The following EPS8 variants were observed in gnomAD, a reference collection of about 807,000 sequenced individuals.
EPS8 encodes EGFR pathway substrate 8, signaling adaptor, also known as epidermal growth factor receptor kinase substrate 8.
Under a neutral mutation model 103.8 loss-of-function variants are expected in EPS8, and 42 were observed. The observed-to-expected ratio is 0.40, with a 90% CI of 0.32 to 0.52. The LOEUF is 0.52. Ranked by LOEUF, EPS8 falls within the 20% of genes least tolerant of loss-of-function variation. The pLI, the probability that EPS8 is intolerant of heterozygous loss-of-function variation, is 0.40. For missense variants in EPS8, 969 were observed against 1,005.1 expected, an observed-to-expected ratio of 0.96 and a Z score of 0.49; for synonymous variants, 344 against 344.6, an observed-to-expected ratio of 1.00 and a Z score of 0.02.
intron 1 of EPS8, among the ~76,000 whole-genome samples, chr12:15,766,816 A>C (rs1236030954): frequency 6.6e-6 from 1 of 152,198 alleles, no homozygotes; most frequent in Non-Finnish European, 1.5e-5. Context: ...GGGGTCATTC[A>C]AACATATGTC....
chr12:15,632,293 G>A (rs1166905546), intron 17 of EPS8, among the ~76,000 whole-genome samples: 4 of 152,056 alleles, frequency 2.6e-5, no homozygotes, highest in South Asian at 2.1e-4. Context: ...ACTTACAAAC[G>A]AATACTAGAA....
Position 15,736,315 on chromosome 12 carries a change from A to G in EPS8, c.-22+52846T>C, listed in dbSNP as rs964465761. On this transcript the variant is annotated intron_variant, in intron 1 of 20. Coordinates refer to ENST00000281172, the MANE Select transcript of EPS8 (RefSeq NM_004447.6). The surrounding 1 kb of genome is among the most constrained non-coding windows in gnomAD (Gnocchi z 4.2). ...GAAAATGGACTTTGGAGTAAAGGAG[A>G]TCTGGATTTGAATTCCAACGCCATA... Among the ~76,000 whole-genome samples the G allele has an allele frequency of 1.3e-5, 2 of 152,218 alleles. No individual in the cohort carries two copies. Among genetic ancestry groups the G allele is most frequent in the African/African-American group, 4.8e-5 (2 of 41,458 alleles).
chr12:15,698,228 A>T lies in EPS8; in HGVS notation c.-21-15256T>A, dbSNP rs1335515300. 1.3e-5 allele frequency among the ~76,000 whole-genome samples: 2 copies of T among 152,232 alleles called. No homozygotes were observed. Among genetic ancestry groups the T allele is most frequent in the African/African-American group, 4.8e-5 (2 of 41,476 alleles). ...CTGTGAATATTTTATTACTTGGCCA[A>T]ATGGAGATGTTTATCTCAAATCTTC... On this transcript the variant is annotated intron_variant, in intron 1 of 20. Coordinates refer to ENST00000281172, the MANE Select transcript of EPS8 (RefSeq NM_004447.6). The surrounding 1 kb of genome is among the most constrained non-coding windows in gnomAD (Gnocchi z 4.9).
rs35885542 is a variant in EPS8, at chr12:15,623,289, T to TA, written c.2226-3dup. On this transcript the variant is annotated splice_region_variant and splice_polypyrimidine_tract_variant and intron_variant, in intron 19 of 20. Coordinates refer to ENST00000281172, the MANE Select transcript of EPS8 (RefSeq NM_004447.6). Reference sequence around the variant, plus strand: ...AATACTCCAAGACTATTGACAGTCCTAAAAAAAAAAAAAGGAAAAAGAAAC... The same window carrying TA: ...AATACTCCAAGACTATTGACAGTCCTAAAAAAAAAAAAAAGGAAAAAGAAAC... 0.075 allele frequency: 91,861 copies of TA among 1,226,794 alleles called. 1,654 individuals carry two copies. The highest frequency in any genetic ancestry group is 0.29 in the African/African-American group (18,865 of 64,218). 76.0% of individuals were successfully genotyped at this position (1,226,794 alleles called of 1,614,324 possible).
chr12:15,651,035 A>C (rs965529442), intron 13 of EPS8, 29 bp from the exon 14 acceptor site: 1 of 1,584,632 alleles, frequency 6.3e-7, no homozygotes, highest in Non-Finnish European at 8.6e-7. Context: ...GCATATAAAC[A>C]ATAAAATCTA....
intron 17 of EPS8, among the ~76,000 whole-genome samples, chr12:15,640,408 A>T (rs367581003): frequency 2.0e-5 from 3 of 152,166 alleles, no homozygotes; most frequent in African/African-American, 4.8e-5. Flanking sequence ...AAAAAGACAG[A>T]AATACCATTT....
chr12:15,658,694 C>A, intron 10 of EPS8, 109 bp from the exon 11 acceptor site: 2 of 740,640 alleles, frequency 2.7e-6, no homozygotes, highest in Non-Finnish European at 4.8e-6. Context: ...TCTCATCAGA[C>A]ATGCTACCTA....
chr12:15,692,536 A>G (rs1445401127), intron 1 of EPS8, among the ~76,000 whole-genome samples: 1 of 151,994 alleles, frequency 6.6e-6, no homozygotes, highest in Non-Finnish European at 1.5e-5. Context: ...TTTTTGAAAA[A>G]TTCAGCATAT....
rs1247453035 is a variant in EPS8, at chr12:15,769,496, T to C, written c.-22+19665A>G. ...CAGTTATTACTCAACTTTGGAAAAA[T>C]TACACAAATATAAGACGCTCTTGTT... is the stretch of plus-strand genomic sequence containing the variant. On this transcript the variant is annotated intron_variant, in intron 1 of 20. Transcript: ENST00000281172. The surrounding 1 kb of genome is among the most constrained non-coding windows in gnomAD (Gnocchi z 4.6). 6.6e-6 allele frequency among the ~76,000 whole-genome samples: 1 copy of C among 152,048 alleles called. No homozygotes were observed. Among genetic ancestry groups the C allele is most frequent in the Non-Finnish European group, 1.5e-5 (1 of 67,986 alleles).
At chr12:15,671,370 T>C (rs1945814666) in intron 3 of EPS8, among the ~76,000 whole-genome samples, 1 of 152,070 alleles carries the variant, frequency 6.6e-6, no homozygotes, top group Non-Finnish European at 1.5e-5. Context: ...TAATAGGCAT[T>C]ACAAGGAACA....
Position 15,701,917 on chromosome 12 carries a change from T to C in EPS8, c.-21-18945A>G, listed in dbSNP as rs1361845768. Among the ~76,000 whole-genome samples the C allele has an allele frequency of 2.0e-5, 3 of 152,212 alleles. No individual in the cohort carries two copies. Among genetic ancestry groups the C allele is most frequent in the African/African-American group, 7.2e-5 (3 of 41,452 alleles). The stretch of plus-strand genomic sequence containing the variant: ...TAAAAAGAGTTCAAACATCTGACTC[T>C]TACAATATTTTGCTTTCAGTAGAAA... On this transcript the variant is annotated intron_variant, in intron 1 of 20. Coordinates refer to ENST00000281172, the MANE Select transcript of EPS8 (RefSeq NM_004447.6). This position sits in a 1 kb window ranked among gnomAD's most constrained non-coding sequence, Gnocchi z 5.1.
At position 15,684,348 on chromosome 12, in the gene EPS8, C is replaced by T. The variant is rs1946059356; in HGVS notation, c.-21-1376G>A. ...TATCAGACACTCTCCATACTATAGA[C>T]AATTTTTCAAAGCATTTATCACATT... is the stretch of plus-strand genomic sequence containing the variant. On this transcript the variant is annotated intron_variant, in intron 1 of 20. Transcript: ENST00000281172. The surrounding 1 kb of genome is among the most constrained non-coding windows in gnomAD (Gnocchi z 4.9). 6.6e-6 allele frequency: 1 copy of T among 152,126 alleles called. No homozygotes were observed. The highest frequency in any genetic ancestry group is 2.4e-5 in the African/African-American group (1 of 41,450). 9.4% of individuals were successfully genotyped at this position (152,126 alleles called of 1,614,324 possible).
Position 15,759,999 on chromosome 12 carries a change from T to C in EPS8, c.-22+29162A>G, listed in dbSNP as rs968665995. ...ATAAGAGAAATTAAAAAGAAGAAAA[T>C]ATAAAAAAAATCAATGAAACTAAAA... On this transcript the variant is annotated intron_variant, in intron 1 of 20. Transcript: ENST00000281172. This position sits in a 1 kb window ranked among gnomAD's most constrained non-coding sequence, Gnocchi z 4.9. Among the ~76,000 whole-genome samples the C allele has an allele frequency of 1.3e-4, 19 of 150,512 alleles. No individual in the cohort carries two copies. The highest frequency in any genetic ancestry group is 4.1e-4 in the African/African-American group (17 of 41,004).
chr12:15,621,314 A>G lies in EPS8; in HGVS notation c.*3T>C. The G allele has an allele frequency of 6.5e-7, 1 of 1,529,152 alleles. No homozygotes were observed. The highest frequency in any genetic ancestry group is 1.4e-5 in the African/African-American group (1 of 71,396). The allele number at this position is 1,529,152 out of a possible 1,614,324, so 94.7% of individuals were successfully genotyped here. On this transcript the variant is annotated 3_prime_UTR_variant, in exon 21 of 21. Coordinates refer to ENST00000281172, the MANE Select transcript of EPS8 (RefSeq NM_004447.6). ...CAATGGAGTTTAAATACAAACAAAC[A>G]AATTAGTGACTGCTTCCTTCATCAA...
intron 3 of EPS8, among the ~76,000 whole-genome samples, chr12:15,677,377 T>G (rs1044422439): frequency 6.6e-6 from 1 of 152,154 alleles, no homozygotes; most frequent in African/African-American, 2.4e-5. Flanking sequence ...GCACATTCAG[T>G]AGAAGCAACC....
chr12:15,640,894 T>C, intron 16 of EPS8, 48 bp from the exon 17 acceptor site: 1 of 1,579,142 alleles, frequency 6.3e-7, no homozygotes. Context: ...TAAAAGCCAT[T>C]CTACGAAAGA....
At position 15,771,925 on chromosome 12, in the gene EPS8, C is replaced by G. The variant is rs965686102; in HGVS notation, c.-22+17236G>C. 3.9e-5 allele frequency among the ~76,000 whole-genome samples: 6 copies of G among 151,938 alleles called. No individual in the cohort carries two copies. Among genetic ancestry groups the G allele is most frequent in the African/African-American group, 1.2e-4 (5 of 41,352 alleles). On this transcript the variant is annotated intron_variant, in intron 1 of 20. Coordinates refer to ENST00000281172, the MANE Select transcript of EPS8 (RefSeq NM_004447.6). This position sits in a 1 kb window ranked among gnomAD's most constrained non-coding sequence, Gnocchi z 4.6. ...GGATCACGAGGTCAGGAGATCGAGACCATCCTGGCTAATGCGGTGAAACCC... is the reference window on the plus strand; with the variant it reads ...GGATCACGAGGTCAGGAGATCGAGAGCATCCTGGCTAATGCGGTGAAACCC...
Position 15,735,341 on chromosome 12 carries a change from CT to C in EPS8, c.-21-52370del, listed in dbSNP as rs1159002761. ...GAAATATATTTCATTCTTCCCTATA[CT>C]TTTTTGCTCCCTCTTTTTTATCAAG... On this transcript the variant is annotated intron_variant, in intron 1 of 20. Transcript: ENST00000281172. This position sits in a 1 kb window ranked among gnomAD's most constrained non-coding sequence, Gnocchi z 4.4. Among the ~76,000 whole-genome samples the C allele has an allele frequency of 6.6e-6, 1 of 152,140 alleles. No homozygotes were observed. Among genetic ancestry groups the C allele is most frequent in the Non-Finnish European group, 1.5e-5 (1 of 68,008 alleles).
At chr12:15,729,656 T>C (rs1235374928) in intron 1 of EPS8, among the ~76,000 whole-genome samples, 1 of 152,204 alleles carries the variant, frequency 6.6e-6, no homozygotes, top group African/African-American at 2.4e-5. Flanking sequence ...GTATTTTTTA[T>C]CTCCCTTGAA....
Sources: allele counts gnomAD v4.1 joint callset (sites outside exome capture counted in the v4.1 genomes callset), GRCh38; gene constraint gnomAD v4.1.1; non-coding constraint Gnocchi (gnomAD v3.1); transcripts MANE v1.5; gene names NCBI Gene and HGNC (gene_info 2026-07-23, HGNC 2026-07-21).